Variants in AFAP1 observed in about 807,000 individuals in gnomAD.
AFAP1 encodes the protein actin filament-associated protein 1.
A neutral mutation model predicts 93.9 loss-of-function variants in AFAP1; 75 were observed. The ratio of observed to expected loss-of-function variants is 0.80; its 90% confidence interval spans 0.66 to 0.97. The LOEUF (loss-of-function observed/expected upper bound fraction) is 0.97, where lower values mean the gene tolerates loss of function less well. Among genes scored for constraint, AFAP1 ranks in the 50% least tolerant of loss-of-function variants. The probability of loss-of-function intolerance (pLI) is 0.00; values close to 1 mark genes in which losing one functional copy is unlikely to be tolerated. For synonymous variants in AFAP1, 517 were observed against 430.7 expected, an observed-to-expected ratio of 1.20 and a Z score of -2.48; for missense variants, 1,201 against 1,050.8, an observed-to-expected ratio of 1.14 and a Z score of -1.98.
intron 1 of AFAP1, among the ~76,000 whole-genome samples, chr4:7,921,920 C>G (rs1338359997): frequency 6.6e-6 from 1 of 152,096 alleles, no homozygotes; most frequent in African/African-American, 2.4e-5. Flanking sequence ...GCCAACAGAT[C>G]GAGACCATCC....
intron 14 of AFAP1, 119 bp from the exon 15 acceptor site, chr4:7,775,022 T>G: frequency 8.2e-7 from 1 of 1,217,820 alleles, no homozygotes; most frequent in Non-Finnish European, 1.1e-6. Context: ...ATGCCTATAG[T>G]CCCAGCTACT....
At chr4:7,873,741 C>G (rs1164318117) in intron 1 of AFAP1, among the ~76,000 whole-genome samples, 1 of 152,154 alleles carries the variant, frequency 6.6e-6, no homozygotes, top group Non-Finnish European at 1.5e-5. Flanking sequence ...AGAGAAAAAT[C>G]ACTCTTGTGA....
intron 11 of AFAP1, among the ~76,000 whole-genome samples, chr4:7,790,938 G>A (rs933461643): frequency 5.9e-5 from 9 of 152,182 alleles, no homozygotes; most frequent in Admixed American, 5.9e-4. Context: ...CCTTAGCTGG[G>A]TGTATGTAAC....
At chr4:7,867,060 G>GGGGAGGGGAGGAGAA (rs1293549609) in intron 3 of AFAP1, among the ~76,000 whole-genome samples, 1 of 132,018 alleles carries the variant, frequency 7.6e-6, no homozygotes, top group African/African-American at 2.8e-5. Flanking sequence ...AGATGAAAGA[G>GGGGAGGGGAGGAGAA]GGGAGGGGAG....
chr4:7,874,758 C>T (rs1717389016), intron 1 of AFAP1, among the ~76,000 whole-genome samples: 2 of 151,660 alleles, frequency 1.3e-5, no homozygotes, highest in African/African-American at 2.4e-5. Context: ...AATCAGCTAT[C>T]TTCTAGGCCA....
intron 17 of AFAP1, among the ~76,000 whole-genome samples, chr4:7,764,463 T>C (rs1327079799): frequency 2.0e-5 from 3 of 152,188 alleles, no homozygotes; most frequent in Non-Finnish European, 2.9e-5. Flanking sequence ...GAGAAAGTTC[T>C]GGAGAAGGAT....
Position 7,763,898 on chromosome 4 carries a change from G to A in AFAP1, c.2419-107C>T, listed in dbSNP as rs1714164189. On this transcript the variant is annotated intron_variant, in intron 17 of 17. Coordinates refer to ENST00000420658, the MANE Select transcript of AFAP1 (RefSeq NM_001134647.2). ...CAGAGGGGGTGGGTGCTCGGCTACT[G>A]CAGAAAACTCAACAGAATCAATGAC... 6 of 1,080,248 alleles carry A rather than the reference G, an allele frequency of 5.6e-6. No homozygotes were observed. The South Asian group carries it at 6.8e-5, about 12-fold the overall frequency. 66.9% of individuals were successfully genotyped at this position (1,080,248 alleles called of 1,614,324 possible).
chr4:7,886,968 C>T (rs1402944110), intron 1 of AFAP1, among the ~76,000 whole-genome samples: 1 of 152,254 alleles, frequency 6.6e-6, no homozygotes, highest in Admixed American at 6.5e-5. Context: ...GAGATGTTAC[C>T]CCTGACATCC....
intron 15 of AFAP1, chr4:7,774,434 CCAGA>C: frequency 2.8e-6 from 1 of 358,784 alleles, no homozygotes; most frequent in East Asian, 5.9e-5. Flanking sequence ...GGGCCATCCT[CCAGA>C]CAATCTCTGT....
chr4:7,856,387 C>T (rs185284163), intron 3 of AFAP1, among the ~76,000 whole-genome samples: 3 of 152,166 alleles, frequency 2.0e-5, no homozygotes, highest in African/African-American at 7.2e-5. Context: ...GGACTACAGG[C>T]GCCCACCACC....
chr4:7,764,951 C>T (rs906413534), intron 17 of AFAP1, among the ~76,000 whole-genome samples: 3 of 152,094 alleles, frequency 2.0e-5, no homozygotes, highest in African/African-American at 4.8e-5. Flanking sequence ...ACAAAAAATA[C>T]AAAAATTAGC....
rs575368208 is a variant in AFAP1 at position 7,758,864 on chromosome 4, T to C, written c.*4901A>G. On this transcript the variant is annotated 3_prime_UTR_variant, in exon 18 of 18. Coordinates refer to ENST00000420658, the MANE Select transcript of AFAP1 (RefSeq NM_001134647.2). ...GGGGCGAGTGGACTGAAAACTAGGA[T>C]TTTCCTTGCAAGTTTCTTTTCATAA... The C allele has an allele frequency of 1.3e-5, 2 of 152,322 alleles. No individual in the cohort carries two copies. The highest frequency in any genetic ancestry group is 3.9e-4 in the East Asian group (2 of 5,182). The allele number at this position is 152,322 out of a possible 1,614,324, so 9.4% of individuals were successfully genotyped here. A position where few individuals can be genotyped will look rare whatever the true frequency, so the allele number is the denominator to read the frequency against.
rs1456173834 is a variant in AFAP1, at chr4:7,939,824, G to A, written c.-171C>T. 3 of 293,696 alleles carry A rather than the reference G, an allele frequency of 1.0e-5. No homozygotes were observed. Among genetic ancestry groups the A allele is most frequent in the African/African-American group, 2.3e-5 (1 of 42,700 alleles). 18.2% of individuals were successfully genotyped at this position (293,696 alleles called of 1,614,324 possible). A position where few individuals can be genotyped will look rare whatever the true frequency, so the allele number is the denominator to read the frequency against. ...CCGCTCGAGATCCGGCTCGGCTCGC[G>A]GAGCTGCAGCCGGCGTGGGGCTGCG... On this transcript the variant is annotated 5_prime_UTR_variant, in exon 1 of 18. Coordinates refer to ENST00000420658, the MANE Select transcript of AFAP1 (RefSeq NM_001134647.2). The surrounding 1 kb of genome is among the most constrained non-coding windows in gnomAD (Gnocchi z 5.6).
At chr4:7,779,319 G>C (rs74790489) in intron 13 of AFAP1, 1 of 158,544 alleles carries the variant, frequency 6.3e-6, no homozygotes, top group Non-Finnish European at 1.4e-5. Context: ...TTGACACTGA[G>C]TGACATCCTA....
rs1713399344 is a variant in AFAP1, at chr4:7,759,016, AAG to A, written c.*4747_*4748del. On this transcript the variant is annotated 3_prime_UTR_variant, in exon 18 of 18. Coordinates refer to ENST00000420658, the MANE Select transcript of AFAP1 (RefSeq NM_001134647.2). ...GCTGTTTCTTTGCCTGTTTCTTTCA[AAG>A]AGAATTTTAAATATGACTTTAGCTT... 6.6e-6 allele frequency: 1 copy of A among 152,658 alleles called. No individual in the cohort carries two copies. Among genetic ancestry groups the A allele is most frequent in the South Asian group, 2.1e-4 (1 of 4,836 alleles). 9.5% of individuals were successfully genotyped at this position (152,658 alleles called of 1,614,324 possible). A position where few individuals can be genotyped will look rare whatever the true frequency, so the allele number is the denominator to read the frequency against.
intron 1 of AFAP1, among the ~76,000 whole-genome samples, chr4:7,930,027 G>A (rs1720976280): frequency 6.6e-6 from 1 of 152,204 alleles, no homozygotes; most frequent in African/African-American, 2.4e-5. Flanking sequence ...CTTATTATGT[G>A]ACCTTGAGCA....
At chr4:7,765,503 C>T (rs55677626) in intron 17 of AFAP1, among the ~76,000 whole-genome samples, 14,472 of 152,334 alleles carry the variant, frequency 0.095, 1,061 homozygotes, top group East Asian at 0.41. Context: ...CTCACCTCTT[C>T]CTTTCCATCC....
At chr4:7,854,116 A>G (rs1416404118) in intron 4 of AFAP1, among the ~76,000 whole-genome samples, 1 of 152,182 alleles carries the variant, frequency 6.6e-6, no homozygotes, top group Non-Finnish European at 1.5e-5. Context: ...ATAAGAAAAC[A>G]TACTTGTCTT....
intron 17 of AFAP1, among the ~76,000 whole-genome samples, chr4:7,768,351 C>G (rs958933240): frequency 6.6e-6 from 1 of 152,242 alleles, no homozygotes; most frequent in Non-Finnish European, 1.5e-5. Flanking sequence ...CCGGAAGCTG[C>G]CCCAGGAGGG....
Sources: allele counts gnomAD v4.1 joint callset (sites outside exome capture counted in the v4.1 genomes callset), GRCh38; gene constraint gnomAD v4.1.1; non-coding constraint Gnocchi (gnomAD v3.1); transcripts MANE v1.5; gene names NCBI Gene and HGNC (gene_info 2026-07-23, HGNC 2026-07-21).